SYT7: variants seen among roughly 807,000 people sequenced by gnomAD.
SYT7 encodes synaptotagmin 7.
SYT7 carries 29 observed loss-of-function variants against 75.1 expected under a neutral mutation model. The ratio of observed to expected loss-of-function variants is 0.39; its 90% CI spans 0.29 to 0.53. SYT7 has a LOEUF of 0.53. SYT7 is among the 20% of genes least tolerant of loss of function. The pLI is 0.77. For synonymous variants in SYT7, 376 were observed against 401.7 expected (o/e 0.94, Z 0.76); for missense variants, 693 against 953.2 (o/e 0.73, Z 3.59).
chr11:61,578,598 TGGGGGAGCTG>T (rs1389976235), intron 1 of SYT7, among the ~76,000 whole-genome samples: 2 of 151,582 alleles, frequency 1.3e-5, no homozygotes, highest in African/African-American at 4.9e-5. Context: ...TAGGGAGCCT[TGGGGGAGCTG>T]GGGGGAAGGG....
At chr11:61,519,884 G>C (rs1414383485) in intron 12 of SYT7, among the ~76,000 whole-genome samples, 1 of 152,142 alleles carries the variant, frequency 6.6e-6, no homozygotes, top group Non-Finnish European at 1.5e-5. Context: ...GTAATGGCAC[G>C]ATCTCGACTC....
At chr11:61,560,672 C>T (rs957100722) in intron 1 of SYT7, among the ~76,000 whole-genome samples, 32 of 152,170 alleles carry the variant, frequency 2.1e-4, no homozygotes, top group African/African-American at 7.5e-4. Flanking sequence ...AGGGGGATGT[C>T]GCCATCAAGG....
In SYT7 at chr11:61,524,652, G is replaced by A. The variant is rs958379926; in HGVS notation, c.1472-120C>T. The A allele has an allele frequency of 2.3e-5, 22 of 946,804 alleles. No individual in the cohort carries two copies. The highest frequency in any genetic ancestry group is 7.8e-5 in the East Asian group (3 of 38,330). 58.7% of individuals were successfully genotyped at this position (946,804 alleles called of 1,614,324 possible). On this transcript the variant is annotated intron_variant, in intron 9 of 12. Transcript: ENST00000539008. The surrounding 1 kb of genome is among the most constrained non-coding windows in gnomAD (Gnocchi z 4.1). Reference sequence around the variant, plus strand: ...TGTGCCCTCCCGCTGCCACCCCACCGGGCCAGCAGGCACACCGGATTGCAA... The same window carrying A: ...TGTGCCCTCCCGCTGCCACCCCACCAGGCCAGCAGGCACACCGGATTGCAA...
intron 8 of SYT7, chr11:61,530,900 G>A: frequency 1.0e-6 from 1 of 985,430 alleles, no homozygotes; most frequent in Non-Finnish European, 1.2e-6. Flanking sequence ...GTCAGGGAAG[G>A]TGCTTCCTGA....
intron 7 of SYT7, 133 bp downstream of exon 7, chr11:61,538,011 G>T: frequency 1.5e-6 from 2 of 1,346,326 alleles, no homozygotes; most frequent in Non-Finnish European, 2.0e-6. Context: ...TGGGGAGGGG[G>T]CTTGTCCTTC....
chr11:61,549,961 C>G (rs1313143507), intron 3 of SYT7, among the ~76,000 whole-genome samples: 1 of 152,212 alleles, frequency 6.6e-6, no homozygotes, highest in South Asian at 2.1e-4. Context: ...AGGCAGGCCC[C>G]CAGCCCTGGC....
Position 61,551,874 on chromosome 11 carries a change from G to A in SYT7, c.136-411C>T, listed in dbSNP as rs1002136763. On this transcript the variant is annotated intron_variant, in intron 2 of 12. Transcript: ENST00000539008. This position sits in a 1 kb window ranked among gnomAD's most constrained non-coding sequence, Gnocchi z 5.3. ...AGATGGTGGGGGTGGCATCCTGCAG[G>A]GCAAGGTTGGCAGTGGCCAGTGATG... Among the ~76,000 whole-genome samples the A allele has an allele frequency of 2.0e-5, 3 of 152,148 alleles. No homozygotes were observed. Among genetic ancestry groups the A allele is most frequent in the African/African-American group, 7.2e-5 (3 of 41,434 alleles).
chr11:61,527,854 G>A, intron 9 of SYT7, 61 bp downstream of exon 9: 12 of 1,586,808 alleles, frequency 7.6e-6, no homozygotes, highest in Non-Finnish European at 1.0e-5. Context: ...AGTGTGGTTG[G>A]GTAGGGGGAT....
At chr11:61,554,800 A>C (rs922606754) in intron 2 of SYT7, among the ~76,000 whole-genome samples, 2 of 152,214 alleles carry the variant, frequency 1.3e-5, no homozygotes, top group East Asian at 1.9e-4. Context: ...ACACATCTGC[A>C]GGCAGAGGGG....
intron 8 of SYT7, chr11:61,530,845 G>T: frequency 1.0e-6 from 1 of 985,384 alleles, no homozygotes; most frequent in Non-Finnish European, 1.2e-6. Context: ...TACTCAGCTG[G>T]GACAGAGCCA....
At chr11:61,547,471 C>T (rs960002476) in intron 3 of SYT7, among the ~76,000 whole-genome samples, 163 bp from the exon 4 acceptor site, 3 of 152,160 alleles carry the variant, frequency 2.0e-5, no homozygotes, top group Non-Finnish European at 2.9e-5. Context: ...AGGCGGGCAC[C>T]GCAGTCTGTG....
chr11:61,560,121 A>G (rs1191816931), intron 1 of SYT7, among the ~76,000 whole-genome samples: 1 of 152,194 alleles, frequency 6.6e-6, no homozygotes, highest in Non-Finnish European at 1.5e-5. Context: ...GGGGAAACTG[A>G]GGAACAGAGG....
At chr11:61,586,183 C>T in the SYT7 span, among the ~76,000 whole-genome samples, 1 of 152,242 alleles carries the variant, frequency 6.6e-6, no homozygotes, top group Non-Finnish European at 1.5e-5. Flanking sequence ...CTCTCAGTCT[C>T]TCTCTTCTCC....
intron 8 of SYT7, among the ~76,000 whole-genome samples, chr11:61,528,570 C>T (rs1007037590): frequency 8.5e-5 from 13 of 152,084 alleles, no homozygotes; most frequent in Admixed American, 2.6e-4. Flanking sequence ...TCTTGTGACA[C>T]GGTAGGGCCA....
chr11:61,525,334 C>T (rs1157941583), intron 9 of SYT7, among the ~76,000 whole-genome samples: 3 of 152,194 alleles, frequency 2.0e-5, no homozygotes, highest in Non-Finnish European at 4.4e-5. Flanking sequence ...ACCTTGGCTT[C>T]AAGTCCTTCC....
chr11:61,527,833 A>C (rs2062569737), intron 9 of SYT7, 82 bp downstream of exon 9: 1 of 1,520,642 alleles, frequency 6.6e-7, no homozygotes, highest in Non-Finnish European at 9.0e-7. Flanking sequence ...GTGTCTGTGC[A>C]TGTGGCCACA....
intron 7 of SYT7, among the ~76,000 whole-genome samples, chr11:61,537,757 A>T (rs1417458180): frequency 6.7e-6 from 1 of 148,210 alleles, no homozygotes; most frequent in Non-Finnish European, 1.5e-5. Context: ...CTTCCCTTAC[A>T]TCCCCCCCGC....
At position 61,517,066 on chromosome 11, in the gene SYT7, G is replaced by A; in HGVS notation, c.*1561C>T. ...CAGGCCCATCCAGAGTGGAACTGGGGGCTAAGACCACGGCCACAGACTGTG... is the reference window on the plus strand; with the variant it reads ...CAGGCCCATCCAGAGTGGAACTGGGAGCTAAGACCACGGCCACAGACTGTG... On this transcript the variant is annotated 3_prime_UTR_variant, in exon 13 of 13. Transcript: ENST00000539008. 1.3e-5 allele frequency: 5 copies of A among 392,580 alleles called. No individual in the cohort carries two copies. The highest frequency in any genetic ancestry group is 2.2e-5 in the Non-Finnish European group (5 of 222,830). The allele number at this position is 392,580 out of a possible 1,614,324, so 24.3% of individuals were successfully genotyped here.
chr11:61,546,149 C>T lies in SYT7; in HGVS notation c.454G>A (p.Asp152Asn), dbSNP rs1002624828. The T allele has an allele frequency of 1.2e-5, 19 of 1,528,368 alleles. No homozygotes were observed. Among genetic ancestry groups the T allele is most frequent in the Non-Finnish European group, 1.5e-5 (17 of 1,143,782 alleles). 94.7% of individuals were successfully genotyped at this position (1,528,368 alleles called of 1,614,324 possible). ...GCAGCCCCGCCGCTTCTCAAGGCGTCCTCTCCGGGTGGCGGCACCGGTGCC... is the reference window on the plus strand; with the variant it reads ...GCAGCCCCGCCGCTTCTCAAGGCGTTCTCTCCGGGTGGCGGCACCGGTGCC... ...KPAPVPPPGE[D>N]ALRSGGAAPS... is the part of the protein sequence containing the mutation. The change falls in exon 5 of 13, where the codon GAC (aspartate) becomes AAC (asparagine). Residue 152 changes from aspartate to asparagine, a missense_variant. This residue lies in a region of SYT7 where 487 missense variants were observed against 593.2 expected (regional missense o/e 0.82). Transcript: ENST00000539008. The surrounding 1 kb of genome is among the most constrained non-coding windows in gnomAD (Gnocchi z 7.6).
Sources: gnomAD v4.1 joint callset for allele counts (sites outside exome capture counted in the v4.1 genomes callset) on GRCh38, gnomAD v4.1.1 for gene constraint, gnomAD v4.1.1 regional missense constraint, Gnocchi (gnomAD v3.1) non-coding constraint, MANE v1.5 for transcripts, NCBI Gene and HGNC (gene_info 2026-07-23, HGNC 2026-07-21) for gene names.